ZHX2: variants seen among roughly 807,000 people sequenced by gnomAD.
The protein encoded by ZHX2 is zinc fingers and homeoboxes 2.
In ZHX2, 6 loss-of-function variants were observed where a neutral mutation model predicts 21.9. The ratio of observed to expected loss-of-function variants is 0.27; its 90% CI spans 0.15 to 0.54. The LOEUF (loss-of-function observed/expected upper bound fraction) is 0.54, where lower values mean the gene tolerates loss of function less well. ZHX2 is among the 20% of genes least tolerant of loss of function. The pLI is 0.95. For missense variants in ZHX2, 908 were observed against 1,090.7 expected, an observed-to-expected ratio of 0.83 and a Z score of 2.36; for synonymous variants, 434 against 437.1, an observed-to-expected ratio of 0.99 and a Z score of 0.09.
chr8:122,788,540 CTGAG>C (rs1476262914), intron 1 of ZHX2, among the ~76,000 whole-genome samples: 1 of 152,070 alleles, frequency 6.6e-6, no homozygotes. Flanking sequence ...GCACTCCAGC[CTGAG>C]TGAGAGAGCA....
chr8:122,882,542 C>A (rs1022758204), intron 2 of ZHX2, among the ~76,000 whole-genome samples: 1 of 152,156 alleles, frequency 6.6e-6, no homozygotes, highest in East Asian at 1.9e-4. Context: ...GACTTTCTCC[C>A]TTCCCTCCCA....
intron 1 of ZHX2, among the ~76,000 whole-genome samples, chr8:122,853,577 G>A (rs941371014): frequency 5.3e-5 from 8 of 151,972 alleles, no homozygotes; most frequent in African/African-American, 1.2e-4. Flanking sequence ...ACCTTCCCTC[G>A]TCTCAGCCAC....
intron 1 of ZHX2, among the ~76,000 whole-genome samples, chr8:122,856,863 G>A (rs535207418): frequency 6.6e-5 from 10 of 152,166 alleles, no homozygotes; most frequent in East Asian, 5.8e-4. Flanking sequence ...TCCAGGAACC[G>A]CAGACACAGA....
chr8:122,911,748 G>A (rs751405808), intron 2 of ZHX2, among the ~76,000 whole-genome samples: 1 of 152,244 alleles, frequency 6.6e-6, no homozygotes, highest in Non-Finnish European at 1.5e-5. Flanking sequence ...GACCATGGCA[G>A]GAAAAACACA....
chr8:122,910,605 C>T (rs1384824800), intron 2 of ZHX2, among the ~76,000 whole-genome samples: 1 of 152,172 alleles, frequency 6.6e-6, no homozygotes, highest in Non-Finnish European at 1.5e-5. Context: ...CTTGTTGTGG[C>T]ATTTTTTATG....
At chr8:122,914,739 T>C (rs952776452) in intron 2 of ZHX2, among the ~76,000 whole-genome samples, 9 of 152,382 alleles carry the variant, frequency 5.9e-5, no homozygotes, top group African/African-American at 2.2e-4. Context: ...CGTGCTTTTC[T>C]CTTTATTACT....
intron 1 of ZHX2, among the ~76,000 whole-genome samples, chr8:122,787,863 T>C (rs527479108): frequency 5.3e-5 from 8 of 152,132 alleles, no homozygotes; most frequent in Middle Eastern, 3.2e-3. Flanking sequence ...GGACCACAAG[T>C]CTAAGTTAAG....
At chr8:122,903,499 GA>G (rs768966348) in intron 2 of ZHX2, among the ~76,000 whole-genome samples, 1 of 152,206 alleles carries the variant, frequency 6.6e-6, no homozygotes, top group African/African-American at 2.4e-5. Context: ...TGGGCATTGA[GA>G]AATGGGTCTT....
chr8:122,944,153 TGTG>T (rs1246014228), intron 2 of ZHX2, among the ~76,000 whole-genome samples: 1 of 152,182 alleles, frequency 6.6e-6, no homozygotes, highest in African/African-American at 2.4e-5. Context: ...GGAGAGACTG[TGTG>T]GTGGTGTGCC....
intron 2 of ZHX2, among the ~76,000 whole-genome samples, chr8:122,918,973 C>G (rs944163648): frequency 4.0e-5 from 6 of 150,772 alleles, no homozygotes; most frequent in African/African-American, 1.5e-4. Flanking sequence ...ACTTTATTTA[C>G]AAAAACAGGA....
chr8:122,803,843 G>C (rs1817766689), intron 1 of ZHX2, among the ~76,000 whole-genome samples: 1 of 152,126 alleles, frequency 6.6e-6, no homozygotes, highest in Admixed American at 6.6e-5. Context: ...AGAATCTCTG[G>C]AATATGGGTG....
intron 1 of ZHX2, among the ~76,000 whole-genome samples, chr8:122,849,628 G>A (rs75301296): frequency 2.0e-3 from 309 of 152,172 alleles, no homozygotes; most frequent in African/African-American, 7.2e-3. Flanking sequence ...TTTCTCCTCT[G>A]GATGTCTCAG....
At chr8:122,933,811 A>G (rs1332650260) in intron 2 of ZHX2, among the ~76,000 whole-genome samples, 14 of 152,148 alleles carry the variant, frequency 9.2e-5, no homozygotes, top group Non-Finnish European at 1.9e-4. Flanking sequence ...AGTTACCTCA[A>G]TCTCCTCAAA....
At chr8:122,909,388 G>T (rs139079843) in intron 2 of ZHX2, among the ~76,000 whole-genome samples, 1 of 151,316 alleles carries the variant, frequency 6.6e-6, no homozygotes, top group Non-Finnish European at 1.5e-5. Context: ...AATAAAGATC[G>T]TGCCACTGCA....
Position 122,806,969 on chromosome 8 carries a change from A to G in ZHX2, c.-283+25023A>G, listed in dbSNP as rs145629489. Among the ~76,000 whole-genome samples, 299 of 152,266 alleles carry G rather than the reference A, an allele frequency of 2.0e-3. 1 individual carries two copies. The highest frequency in any genetic ancestry group is 0.014 in the Middle Eastern group (4 of 294). ...TCCCATCCTTAGACCCTCTGATCTCATGCCAGTTCGTCCCACTGGTAGAGC... is the reference window on the plus strand; with the variant it reads ...TCCCATCCTTAGACCCTCTGATCTCGTGCCAGTTCGTCCCACTGGTAGAGC... On this transcript the variant is annotated intron_variant, in intron 1 of 3. Transcript: ENST00000314393.
intron 3 of ZHX2, among the ~76,000 whole-genome samples, chr8:122,960,502 C>G (rs763202809): frequency 6.6e-6 from 1 of 152,132 alleles, no homozygotes. Context: ...CGCACAACAG[C>G]ACTCCAACTT....
chr8:122,960,618 G>A (rs1411386978), intron 3 of ZHX2, among the ~76,000 whole-genome samples: 1 of 152,178 alleles, frequency 6.6e-6, no homozygotes, highest in Non-Finnish European at 1.5e-5. Flanking sequence ...ACATGCAGGA[G>A]CATGCTGGGC....
At chr8:122,860,589 T>C (rs535631494) in intron 1 of ZHX2, among the ~76,000 whole-genome samples, 107 of 152,292 alleles carry the variant, frequency 7.0e-4, no homozygotes, top group Non-Finnish European at 1.2e-3. Context: ...CTTTAGGACC[T>C]GAGTAACCAT....
At chr8:122,853,921 T>A (rs1818965964) in intron 1 of ZHX2, among the ~76,000 whole-genome samples, 1 of 152,206 alleles carries the variant, frequency 6.6e-6, no homozygotes, top group African/African-American at 2.4e-5. Flanking sequence ...TGACTCTTTT[T>A]TTAACACATC....
Sources: allele counts gnomAD v4.1 joint callset (sites outside exome capture counted in the v4.1 genomes callset), GRCh38; gene constraint gnomAD v4.1.1; transcripts MANE v1.5; gene names NCBI Gene and HGNC (gene_info 2026-07-23, HGNC 2026-07-21).